Variants in TPTE2 observed in about 807,000 individuals in gnomAD.
The protein encoded by TPTE2 is phosphatidylinositol 3,4,5-trisphosphate 3-phosphatase TPTE2.
Under a neutral mutation model 78.6 loss-of-function variants are expected in TPTE2, and 53 were observed. The ratio of observed to expected loss-of-function variants is 0.67; its 90% CI spans 0.54 to 0.85. The LOEUF is 0.85. Ranked by LOEUF, TPTE2 falls within the 40% of genes least tolerant of loss-of-function variation. The probability of loss-of-function intolerance (pLI) is 0.00; values close to 1 mark genes in which losing one functional copy is unlikely to be tolerated. For synonymous variants in TPTE2, 175 were observed against 206.2 expected (o/e 0.85, Z 1.30); for missense variants, 461 against 623.0 (o/e 0.74, Z 2.77).
chr13:19,497,697 G>A, intron 1 of TPTE2, among the ~76,000 whole-genome samples: 1 of 150,050 alleles, frequency 6.7e-6, no homozygotes, highest in Non-Finnish European at 1.5e-5. Context: ...ACAAAGATGG[G>A]GAAAAAACAG....
the TPTE2 span, among the ~76,000 whole-genome samples, chr13:19,546,261 A>C: frequency 5.9e-5 from 9 of 152,156 alleles, no homozygotes; most frequent in East Asian, 1.5e-3. Context: ...CCCAGCCCCT[A>C]TTGGGTTAGG....
exon 8 of TPTE2, chr13:19,465,537 T>A: frequency 6.2e-7 from 1 of 1,603,318 alleles, no homozygotes. Context: ...GAATAATAAG[T>A]CGTAGAAGTC....
chr13:19,443,413 T>C (rs2137511621), intron 13 of TPTE2, among the ~76,000 whole-genome samples: 1 of 102,020 alleles, frequency 9.8e-6, no homozygotes, highest in African/African-American at 2.8e-5. Flanking sequence ...TTTTTTTTTG[T>C]TTCATTTTTT....
chr13:19,482,293 T>C (rs984535224), intron 4 of TPTE2, among the ~76,000 whole-genome samples, 195 bp downstream of exon 7: 1 of 152,174 alleles, frequency 6.6e-6, no homozygotes, highest in Non-Finnish European at 1.5e-5. Flanking sequence ...TATTTCTGAA[T>C]GGATGGAATT....
At chr13:19,496,984 T>C (rs572298209) in intron 1 of TPTE2, among the ~76,000 whole-genome samples, 1 of 152,134 alleles carries the variant, frequency 6.6e-6, no homozygotes, top group Admixed American at 6.5e-5. Context: ...TTGCCTCACT[T>C]GGGAAGTGCA....
At chr13:19,429,761 A>G (rs1183660972) in intron 17 of TPTE2, among the ~76,000 whole-genome samples, 1 of 152,152 alleles carries the variant, frequency 6.6e-6, no homozygotes, top group Non-Finnish European at 1.5e-5. Flanking sequence ...CTGGGTAGGA[A>G]TTCTAAAATT....
the TPTE2 span, chr13:19,561,238 C>T: frequency 5.3e-5 from 70 of 1,317,080 alleles, no homozygotes; most frequent in Non-Finnish European, 7.2e-5. Flanking sequence ...TGGCTCACTG[C>T]CCACCACCTG....
intron 6 of TPTE2, among the ~76,000 whole-genome samples, chr13:19,473,597 C>CTTTTTT (rs34210025): frequency 1.5e-5 from 2 of 129,116 alleles, no homozygotes; most frequent in African/African-American, 2.9e-5. Flanking sequence ...TTTTAAAATG[C>CTTTTTT]TTTTTTTTTT....
intron 1 of TPTE2, among the ~76,000 whole-genome samples, chr13:19,527,305 G>C (rs1450853415): frequency 6.6e-6 from 1 of 152,168 alleles, no homozygotes; most frequent in Non-Finnish European, 1.5e-5. Flanking sequence ...AGCTCTAAAA[G>C]AGGACTTGAA....
chr13:19,433,291 G>A (rs985812174), intron 15 of TPTE2, among the ~76,000 whole-genome samples: 4 of 152,236 alleles, frequency 2.6e-5, no homozygotes, highest in South Asian at 2.1e-4. Context: ...ATCACTGGGC[G>A]TCAGGAGTTT....
intron 13 of TPTE2, among the ~76,000 whole-genome samples, chr13:19,445,802 AT>A (rs1877789177): frequency 6.6e-6 from 1 of 152,182 alleles, no homozygotes; most frequent in Non-Finnish European, 1.5e-5. Context: ...GTAGCTGGGT[AT>A]GGTGGCGGAC....
the TPTE2 span, among the ~76,000 whole-genome samples, chr13:19,548,377 C>T: frequency 6.9e-6 from 1 of 144,454 alleles, no homozygotes; most frequent in African/African-American, 2.5e-5. Flanking sequence ...ATAATCTTTA[C>T]ACTTCCCCTA....
upstream of TPTE2, among the ~76,000 whole-genome samples, chr13:19,507,023 T>C (rs1404628323): frequency 6.6e-6 from 1 of 152,190 alleles, no homozygotes; most frequent in Non-Finnish European, 1.5e-5. Flanking sequence ...AAACTACCAG[T>C]ACTTTAGAAA....
intron 1 of TPTE2, among the ~76,000 whole-genome samples, chr13:19,520,514 G>A (rs567881214): frequency 6.6e-6 from 1 of 151,474 alleles, no homozygotes; most frequent in Admixed American, 6.6e-5. Context: ...TCTTGATCAG[G>A]CTAGCTAAGC....
chr13:19,490,443 GT>G (rs933058770), intron 3 of TPTE2, among the ~76,000 whole-genome samples: 2 of 151,922 alleles, frequency 1.3e-5, no homozygotes, highest in Non-Finnish European at 1.5e-5. Flanking sequence ...TGGAAATGAG[GT>G]TTTAGATGTC....
chr13:19,459,924 G>T (rs767508569), intron 10 of TPTE2, among the ~76,000 whole-genome samples: 398 of 152,286 alleles, frequency 2.6e-3, no homozygotes, highest in Non-Finnish European at 4.0e-3. Flanking sequence ...CCCATCTGAG[G>T]TGGATTCCAA....
chr13:19,427,079 CTTTTTTTTTT>C (rs55904352), intron 17 of TPTE2, among the ~76,000 whole-genome samples: 3 of 67,292 alleles, frequency 4.5e-5, no homozygotes, highest in Admixed American at 2.2e-4. Flanking sequence ...CTTTTCTTTT[CTTTTTTTTTT>C]TTTTTTTTTT....
At chr13:19,547,797 C>T in the TPTE2 span, among the ~76,000 whole-genome samples, 9 of 145,298 alleles carry the variant, frequency 6.2e-5, no homozygotes, top group Non-Finnish European at 6.0e-5. Context: ...AATAAAACAG[C>T]GGATAAATGT....
intron 4 of TPTE2, among the ~76,000 whole-genome samples, chr13:19,480,295 G>A (rs1249247390): frequency 6.6e-6 from 1 of 152,120 alleles, no homozygotes; most frequent in Non-Finnish European, 1.5e-5. Flanking sequence ...AACAGGGTAA[G>A]GACAATATAG....
Sources: gnomAD v4.1 joint callset for allele counts (sites outside exome capture counted in the v4.1 genomes callset) on GRCh38, gnomAD v4.1.1 for gene constraint, MANE v1.5 for transcripts, NCBI Gene and HGNC (gene_info 2026-07-23, HGNC 2026-07-21) for gene names.